GAS7: variants seen among roughly 807,000 people sequenced by gnomAD.
The protein encoded by GAS7 is growth arrest specific 7, also known as growth arrest-specific protein 7.
In GAS7, 28 loss-of-function variants were observed where a neutral mutation model predicts 71.1. The ratio of observed to expected loss-of-function variants is 0.39; its 90% CI spans 0.29 to 0.54. The LOEUF (loss-of-function observed/expected upper bound fraction) is 0.54. Ranked by LOEUF, GAS7 falls within the 20% of genes least tolerant of loss-of-function variation. The pLI, the probability that GAS7 is intolerant of heterozygous loss-of-function variation, is 0.62. For missense variants in GAS7, 436 were observed against 627.8 expected (o/e 0.69, Z 3.27); for synonymous variants, 258 against 245.8 (o/e 1.05, Z -0.46).
At chr17:9,977,638 A>G (rs1176762327) in intron 3 of GAS7, among the ~76,000 whole-genome samples, 1 of 151,994 alleles carries the variant, frequency 6.6e-6, no homozygotes, top group African/African-American at 2.4e-5. Context: ...CACAGCTTCC[A>G]TAACTCTGGT....
chr17:10,013,464 A>G (rs1251582289), intron 2 of GAS7, among the ~76,000 whole-genome samples: 1 of 152,196 alleles, frequency 6.6e-6, no homozygotes, highest in Non-Finnish European at 1.5e-5. Flanking sequence ...TGGACAGCAC[A>G]AGACAAGCAA....
intron 1 of GAS7, among the ~76,000 whole-genome samples, chr17:10,114,033 G>A (rs1375218819): frequency 6.6e-6 from 1 of 152,088 alleles, no homozygotes; most frequent in African/African-American, 2.4e-5. Flanking sequence ...TCCTGCCTCA[G>A]CCTCCCGAGT....
intron 1 of GAS7, among the ~76,000 whole-genome samples, chr17:10,141,116 T>C (rs948586681): frequency 6.6e-6 from 1 of 152,188 alleles, no homozygotes; most frequent in Admixed American, 6.5e-5. Context: ...TTTCCTGCCT[T>C]GGGAAGCTGC....
intron 1 of GAS7, among the ~76,000 whole-genome samples, chr17:10,057,166 T>G (rs1018406332): frequency 2.0e-5 from 3 of 152,198 alleles, no homozygotes; most frequent in Non-Finnish European, 4.4e-5. Context: ...CCCAGCCGCC[T>G]GCCTTGGCCT....
chr17:9,983,615 G>A (rs768421244), intron 2 of GAS7, among the ~76,000 whole-genome samples: 38 of 151,844 alleles, frequency 2.5e-4, no homozygotes, highest in Non-Finnish European at 5.0e-4. Context: ...GGTGAAACCC[G>A]ATCTCCACTA....
intron 11 of GAS7, among the ~76,000 whole-genome samples, chr17:9,921,726 G>A (rs187182196): frequency 2.0e-5 from 3 of 152,212 alleles, no homozygotes; most frequent in African/African-American, 7.2e-5. Flanking sequence ...TTGGGAGGCC[G>A]AGGCGGGTGG....
intron 1 of GAS7, among the ~76,000 whole-genome samples, chr17:10,040,511 G>C (rs1368033859): frequency 6.6e-6 from 1 of 152,104 alleles, no homozygotes; most frequent in African/African-American, 2.4e-5. Context: ...CATGATACCA[G>C]GGTATAAAAA....
intron 1 of GAS7, among the ~76,000 whole-genome samples, chr17:10,067,770 G>A (rs1252767219): frequency 1.3e-5 from 2 of 152,162 alleles, no homozygotes; most frequent in Non-Finnish European, 2.9e-5. Context: ...ACCCTGCCCA[G>A]CCCTGGTTCA....
intron 1 of GAS7, among the ~76,000 whole-genome samples, chr17:10,061,932 T>A (rs991180239): frequency 3.9e-5 from 6 of 152,076 alleles, no homozygotes; most frequent in African/African-American, 1.4e-4. Flanking sequence ...TTGGTGACAT[T>A]TACTGGCCAA....
intron 10 of GAS7, 63 bp from the exon 11 acceptor site, chr17:9,925,662 A>T: frequency 1.3e-6 from 2 of 1,591,538 alleles, no homozygotes; most frequent in Non-Finnish European, 1.7e-6. Flanking sequence ...CTCCTGGGCC[A>T]CGCAGCCCAG....
intron 1 of GAS7, among the ~76,000 whole-genome samples, chr17:10,182,735 G>T (rs1018110794): frequency 2.6e-5 from 4 of 152,184 alleles, no homozygotes; most frequent in African/African-American, 9.7e-5. Context: ...GCCACCATCT[G>T]CAGTGTACAG....
At chr17:10,106,343 C>G (rs2073756226) in intron 1 of GAS7, among the ~76,000 whole-genome samples, 1 of 152,226 alleles carries the variant, frequency 6.6e-6, no homozygotes, top group Non-Finnish European at 1.5e-5. Context: ...CACCTGTCTG[C>G]AGCCCAGCTT....
At chr17:10,192,170 C>G (rs765688269) in intron 1 of GAS7, among the ~76,000 whole-genome samples, 6 of 152,188 alleles carry the variant, frequency 3.9e-5, no homozygotes, top group Non-Finnish European at 8.8e-5. Flanking sequence ...AAGGAAAAGC[C>G]AGAGAGATCT....
At chr17:10,193,159 A>G (rs982167706) in intron 1 of GAS7, among the ~76,000 whole-genome samples, 64 of 150,350 alleles carry the variant, frequency 4.3e-4, no homozygotes, top group Non-Finnish European at 3.1e-4. Context: ...CTGGACTGGT[A>G]TGTCAATGGC....
intron 1 of GAS7, among the ~76,000 whole-genome samples, chr17:10,033,099 A>T (rs765166585): frequency 2.6e-5 from 4 of 152,186 alleles, no homozygotes; most frequent in Non-Finnish European, 5.9e-5. Context: ...CTAAAGATTA[A>T]TGATCTTGAC....
At chr17:10,162,314 TC>T (rs1279486636) in intron 1 of GAS7, among the ~76,000 whole-genome samples, 3 of 152,152 alleles carry the variant, frequency 2.0e-5, no homozygotes, top group African/African-American at 7.2e-5. Flanking sequence ...GGGAAAAACA[TC>T]ACACTGAATC....
At chr17:10,055,836 T>C (rs1451094084) in intron 1 of GAS7, among the ~76,000 whole-genome samples, 2 of 152,230 alleles carry the variant, frequency 1.3e-5, no homozygotes, top group African/African-American at 4.8e-5. Flanking sequence ...ATTGCTTGCA[T>C]TGTGTGACTC....
intron 1 of GAS7, among the ~76,000 whole-genome samples, chr17:10,112,474 G>A (rs1401853318): frequency 5.3e-5 from 8 of 152,204 alleles, no homozygotes; most frequent in Non-Finnish European, 7.3e-5. Flanking sequence ...GGTGTCTCAC[G>A]CCTGTAATCC....
In GAS7 at chr17:10,198,456, C is replaced by T; in HGVS notation, c.-66G>A. Reference sequence around the variant, plus strand: ...CCGAGCCCCACGGGCTGGGCAGCGGCTCCGCGGGGTCCCAGGCGCCCGGCG... The same window carrying T: ...CCGAGCCCCACGGGCTGGGCAGCGGTTCCGCGGGGTCCCAGGCGCCCGGCG... On this transcript the variant is annotated 5_prime_UTR_variant, in exon 1 of 14. Transcript: ENST00000432992. The T allele has an allele frequency of 8.0e-7, 1 of 1,242,952 alleles. No homozygotes were observed. The highest frequency in any genetic ancestry group is 1.0e-6 in the Non-Finnish European group (1 of 956,824). 77.0% of individuals were successfully genotyped at this position (1,242,952 alleles called of 1,614,324 possible).
Sources: gnomAD v4.1 joint callset for allele counts (sites outside exome capture counted in the v4.1 genomes callset) on GRCh38, gnomAD v4.1.1 for gene constraint, MANE v1.5 for transcripts, NCBI Gene and HGNC (gene_info 2026-07-23, HGNC 2026-07-21) for gene names.